PLCB4: variants seen among roughly 807,000 people sequenced by gnomAD.
PLCB4 encodes 1-phosphatidylinositol 4,5-bisphosphate phosphodiesterase beta-4.
In PLCB4, 77 loss-of-function variants were observed where a neutral mutation model predicts 178.8. The observed-to-expected ratio is 0.43, with a 90% CI of 0.36 to 0.52. The LOEUF (loss-of-function observed/expected upper bound fraction) is 0.52, where lower values mean the gene tolerates loss of function less well. Ranked by LOEUF, PLCB4 falls within the 20% of genes least tolerant of loss-of-function variation. PLCB4 has a pLI of 0.00. For missense variants in PLCB4, 1,024 were observed against 1,453.4 expected (o/e 0.70, Z 4.80); for synonymous variants, 496 against 490.8 (o/e 1.01, Z -0.14).
chr20:9,393,571 T>C lies in PLCB4; in HGVS notation c.1324-17T>C, dbSNP rs202014260. 6.2e-5 allele frequency: 95 copies of C among 1,544,710 alleles called. No homozygotes were observed. The African/African-American group carries it at 1.1e-3, about 18-fold the overall frequency. On this transcript the variant is annotated splice_polypyrimidine_tract_variant and intron_variant, in intron 17 of 39. Coordinates refer to ENST00000378473, the MANE Select transcript of PLCB4 (RefSeq NM_001377142.1). Reference sequence around the variant, plus strand: ...GCACAGCCCTTCCTTAATTCAGCTCTTTCTGTTTCTCTCTAGCTTGAACCA... The same window carrying C: ...GCACAGCCCTTCCTTAATTCAGCTCCTTCTGTTTCTCTCTAGCTTGAACCA...
intron 30 of PLCB4, among the ~76,000 whole-genome samples, chr20:9,438,291 G>A (rs1047914717): frequency 1.3e-5 from 2 of 151,932 alleles, no homozygotes; most frequent in Non-Finnish European, 2.9e-5. Flanking sequence ...GCGTGAGCCC[G>A]GGAGGCGGAG....
chr20:9,405,525 C>A (rs1344340368), intron 21 of PLCB4, among the ~76,000 whole-genome samples, 177 bp downstream of exon 21: 1 of 152,134 alleles, frequency 6.6e-6, no homozygotes, highest in East Asian at 1.9e-4. Flanking sequence ...AAGGCATTTT[C>A]TTCACTGGAA....
chr20:9,216,549 G>C (rs948626303), intron 2 of PLCB4, among the ~76,000 whole-genome samples: 1 of 151,956 alleles, frequency 6.6e-6, no homozygotes, highest in Non-Finnish European at 1.5e-5. Flanking sequence ...GCCCAGGCTG[G>C]AGTGCAGTGG....
chr20:9,400,545 G>GT (rs1035031841), intron 19 of PLCB4, among the ~76,000 whole-genome samples: 6 of 151,944 alleles, frequency 3.9e-5, no homozygotes, highest in African/African-American at 7.3e-5. Flanking sequence ...ATTTTAGTGG[G>GT]TTTTTTTGTT....
In PLCB4 at chr20:9,321,780, C is replaced by A. The variant is rs186639006; in HGVS notation, c.84+13882C>A. 3.8e-3 allele frequency among the ~76,000 whole-genome samples: 570 copies of A among 151,738 alleles called. 2 individuals are homozygous for A. The highest frequency in any genetic ancestry group is 0.012 in the African/African-American group (495 of 41,356). ...TCCCAAGTACCTGGGACTACAGGTGCGCACCACCATGCCCAGCTAATTTTT... is the reference window on the plus strand; with the variant it reads ...TCCCAAGTACCTGGGACTACAGGTGAGCACCACCATGCCCAGCTAATTTTT... On this transcript the variant is annotated intron_variant, in intron 4 of 39. Coordinates refer to ENST00000378473, the MANE Select transcript of PLCB4 (RefSeq NM_001377142.1).
At chr20:9,404,505 TG>T (rs1374385928) in intron 20 of PLCB4, among the ~76,000 whole-genome samples, 1 of 150,458 alleles carries the variant, frequency 6.6e-6, no homozygotes, top group Non-Finnish European at 1.5e-5. Context: ...CTCAGGAAGC[TG>T]AGGCAGGAGA....
intron 2 of PLCB4, among the ~76,000 whole-genome samples, chr20:9,104,453 TTTGGGGACC>T: frequency 6.6e-6 from 1 of 152,228 alleles, no homozygotes; most frequent in African/African-American, 2.4e-5. Flanking sequence ...TGTCAAAGAA[TTTGGGGACC>T]ATGTTTTAAA....
chr20:9,372,980 C>T, intron 11 of PLCB4, 67 bp from the exon 12 acceptor site: 1 of 701,214 alleles, frequency 1.4e-6, no homozygotes, highest in Non-Finnish European at 2.5e-6. Flanking sequence ...CAAATGTCAA[C>T]ATGTAAATCG....
chr20:9,467,245 CAG>C (rs1159706776), intron 35 of PLCB4, among the ~76,000 whole-genome samples: 3 of 152,040 alleles, frequency 2.0e-5, no homozygotes, highest in African/African-American at 7.2e-5. Flanking sequence ...CACTTGGACA[CAG>C]GGTAGGGAAC....
At chr20:9,366,039 C>G (rs1051933533) in intron 9 of PLCB4, among the ~76,000 whole-genome samples, 2 of 152,148 alleles carry the variant, frequency 1.3e-5, no homozygotes, top group Non-Finnish European at 2.9e-5. Context: ...ACACCACACA[C>G]TCTGTGGAGC....
chr20:9,372,301 A>T lies in PLCB4; in HGVS notation c.586-2A>T. ...TTCATAACATGATTTTATTCCTTAC[A>T]GAATGATGAAATTGAGCCCACAGCA... On this transcript the variant is annotated splice_acceptor_variant, in intron 10 of 39. Coordinates refer to ENST00000378473, the MANE Select transcript of PLCB4 (RefSeq NM_001377142.1). LOFTEE classifies it high-confidence loss of function. 1 of 1,520,814 alleles carries T rather than the reference A, an allele frequency of 6.6e-7. No individual in the cohort carries two copies. The highest frequency in any genetic ancestry group is 9.1e-7 in the Non-Finnish European group (1 of 1,097,458). The allele number at this position is 1,520,814 out of a possible 1,614,324, so 94.2% of individuals were successfully genotyped here.
intron 38 of PLCB4, among the ~76,000 whole-genome samples, chr20:9,474,784 T>G (rs1183479143): frequency 6.6e-6 from 1 of 152,210 alleles, no homozygotes; most frequent in East Asian, 1.9e-4. Flanking sequence ...GACAGAAATT[T>G]TATTCATCAA....
rs111728734 is a variant in PLCB4, at chr20:9,426,735, A to T, written c.2524+2783A>T. On this transcript the variant is annotated intron_variant, in intron 28 of 39. Coordinates refer to ENST00000378473, the MANE Select transcript of PLCB4 (RefSeq NM_001377142.1). Reference sequence around the variant, plus strand: ...ACTATACTGCTAATTTGGAATTCTAATTTTTTTTTAGAATATGTTTCCATG... The same window carrying T: ...ACTATACTGCTAATTTGGAATTCTATTTTTTTTTTAGAATATGTTTCCATG... Among the ~76,000 whole-genome samples, 577 of 151,252 alleles carry T rather than the reference A, an allele frequency of 3.8e-3. 8 individuals are homozygous for T. The highest frequency in any genetic ancestry group is 0.013 in the African/African-American group (556 of 41,240).
intron 3 of PLCB4, among the ~76,000 whole-genome samples, chr20:9,269,564 T>G (rs761692278): frequency 6.6e-6 from 1 of 152,140 alleles, no homozygotes; most frequent in East Asian, 1.9e-4. Flanking sequence ...TTTGGCTATA[T>G]TTTGCTGGAT....
intron 9 of PLCB4, among the ~76,000 whole-genome samples, chr20:9,365,983 A>G (rs1363302913): frequency 6.6e-6 from 1 of 152,128 alleles, no homozygotes; most frequent in African/African-American, 2.4e-5. Context: ...AGATGGGGAT[A>G]CTTCTCTGGC....
chr20:9,374,313 C>T (rs893470821), intron 12 of PLCB4, among the ~76,000 whole-genome samples: 7 of 152,204 alleles, frequency 4.6e-5, no homozygotes, highest in Admixed American at 4.6e-4. Flanking sequence ...TTCCACTCCA[C>T]TGGTTTTTAG....
chr20:9,314,607 A>G (rs544260907), intron 4 of PLCB4, among the ~76,000 whole-genome samples: 1 of 152,184 alleles, frequency 6.6e-6, no homozygotes, highest in Non-Finnish European at 1.5e-5. Flanking sequence ...AGCAAAAGTG[A>G]TATCTTCTGT....
chr20:9,328,958 G>A (rs1200068711), intron 4 of PLCB4, among the ~76,000 whole-genome samples: 3 of 152,176 alleles, frequency 2.0e-5, no homozygotes, highest in Admixed American at 1.3e-4. Flanking sequence ...CTTAAGGAGG[G>A]GGTATGTGAT....
intron 19 of PLCB4, among the ~76,000 whole-genome samples, chr20:9,397,299 C>T (rs1020429475): frequency 6.6e-6 from 1 of 152,234 alleles, no homozygotes; most frequent in Admixed American, 6.5e-5. Context: ...GCCCCATGTT[C>T]AGGCTCCTTT....
Sources: allele counts gnomAD v4.1 joint callset (sites outside exome capture counted in the v4.1 genomes callset), GRCh38; gene constraint gnomAD v4.1.1; transcripts MANE v1.5; gene names NCBI Gene and HGNC (gene_info 2026-07-23, HGNC 2026-07-21).